MAOA: variants seen among roughly 807,000 people sequenced by gnomAD.
The protein encoded by MAOA is monoamine oxidase A.
In MAOA, 6 loss-of-function variants were observed where a neutral mutation model predicts 42.0. The ratio of observed to expected loss-of-function variants is 0.14; its 90% CI spans 0.08 to 0.28. The LOEUF (loss-of-function observed/expected upper bound fraction) is 0.28, where lower values mean the gene tolerates loss of function less well. Ranked by LOEUF, MAOA falls within the 10% of genes least tolerant of loss-of-function variation. The probability of loss-of-function intolerance (pLI) is 1.00; values close to 1 mark genes in which losing one functional copy is unlikely to be tolerated. For missense variants in MAOA, 262 were observed against 422.3 expected, an observed-to-expected ratio of 0.62 and a Z score of 3.33; for synonymous variants, 140 against 154.0, an observed-to-expected ratio of 0.91 and a Z score of 0.67.
Position 43,731,749 on chromosome X carries a change from G to A in MAOA, c.851G>A (p.Arg284Lys), listed in dbSNP as rs769218254. Residue 284 changes from arginine (R) to lysine (K), a missense_variant, in exon 8 of 15, where the codon AGA becomes AAA. Transcript: ENST00000338702. ...PPTLTAKIHF[R>K]PELPAERNQL... ...ACCTTGACTGCCAAGATTCACTTCA[G>A]ACCAGAGCTTCCAGCAGAGAGAAAC... 5.0e-6 allele frequency: 6 copies of A among 1,209,057 alleles called. No individual in the cohort carries two copies. Among genetic ancestry groups the A allele is most frequent in the Non-Finnish European group, 6.7e-6 (6 of 894,544 alleles).
chrX:43,694,729 A>G (rs1601935755), intron 3 of MAOA, among the ~76,000 whole-genome samples: 1 of 112,037 alleles, frequency 8.9e-6, no homozygotes, highest in Non-Finnish European at 1.9e-5. Flanking sequence ...AGCTGCTAAC[A>G]TTTATTAAGC....
intron 3 of MAOA, among the ~76,000 whole-genome samples, chrX:43,697,268 T>C (rs1200610682): frequency 8.9e-6 from 1 of 112,251 alleles, no homozygotes; most frequent in Non-Finnish European, 1.9e-5. Flanking sequence ...TTACAGTTTG[T>C]GCTTGTCCTG....
intron 1 of MAOA, among the ~76,000 whole-genome samples, chrX:43,677,364 T>C (rs1048626995): frequency 3.6e-5 from 4 of 111,996 alleles, no homozygotes; most frequent in African/African-American, 1.3e-4. Context: ...TTTAAGAACC[T>C]GAAGCTTGTT....
At chrX:43,704,665 A>T (rs1033446586) in intron 3 of MAOA, among the ~76,000 whole-genome samples, 23 of 111,719 alleles carry the variant, frequency 2.1e-4, no homozygotes, top group Non-Finnish European at 4.0e-4. Flanking sequence ...ATAAAAAAAA[A>T]AAGAAAAATT....
In MAOA at chrX:43,728,265, A is replaced by C; in HGVS notation, c.596A>C (p.Lys199Thr). The change falls in exon 6 of 15, where the codon AAG (lysine) becomes ACG (threonine). Residue 199 changes from lysine to threonine, a missense_variant. By Grantham distance (78) the Lys-to-Thr change is moderately conservative. This residue lies in a region of MAOA where 141 missense variants were observed against 195.6 expected (regional missense o/e 0.72). Coordinates refer to ENST00000338702, the MANE Select transcript of MAOA (RefSeq NM_000240.4). ...GCCCTGTGGTTCTTGTGGTATGTGA[A>C]GCAGTGCGGGGGCACCACTCGGATA... ...VSALWFLWYV[K>T]QCGGTTRIFS... 1 of 1,211,045 alleles carries C rather than the reference A, an allele frequency of 8.3e-7. No homozygotes were observed. The highest frequency in any genetic ancestry group is 1.1e-6 in the Non-Finnish European group (1 of 894,944).
intron 7 of MAOA, 99 bp downstream of exon 7, chrX:43,731,489 G>A: frequency 1.0e-6 from 1 of 986,314 alleles, no homozygotes; most frequent in Non-Finnish European, 1.4e-6. Flanking sequence ...AATTAATGCT[G>A]ACATGTTTCC....
chrX:43,723,996 A>C (rs1355578305), intron 5 of MAOA, among the ~76,000 whole-genome samples: 1 of 110,470 alleles, frequency 9.1e-6, no homozygotes. Flanking sequence ...TGATTTGTAT[A>C]TGTTGAACCA....
intron 5 of MAOA, 125 bp downstream of exon 5, chrX:43,712,921 C>T (rs2033710904): frequency 3.8e-6 from 2 of 524,043 alleles, no homozygotes; most frequent in Non-Finnish European, 6.6e-6. Flanking sequence ...AGTAATCTTT[C>T]AGTCAATAGC....
chrX:43,718,351 C>A (rs981532101), intron 5 of MAOA, among the ~76,000 whole-genome samples: 2 of 88,130 alleles, frequency 2.3e-5, no homozygotes, highest in Non-Finnish European at 4.2e-5. Flanking sequence ...TAATGAGACA[C>A]CTGGGTAGTA....
intron 8 of MAOA, 75 bp from the exon 9 acceptor site, chrX:43,732,624 A>C: frequency 1.5e-6 from 1 of 688,408 alleles, no homozygotes; most frequent in East Asian, 3.2e-5. Context: ...AAAATAGTTT[A>C]TATATATTTA....
At chrX:43,715,391 A>G (rs1263952241) in intron 5 of MAOA, among the ~76,000 whole-genome samples, 1 of 110,860 alleles carries the variant, frequency 9.0e-6, no homozygotes, top group Admixed American at 9.6e-5. Context: ...TACAGGAGCT[A>G]GGGGATGCAG....
Position 43,697,408 on chromosome X carries a change from A to C in MAOA, c.306+3980A>C, listed in dbSNP as rs770284443. 3.6e-5 allele frequency among the ~76,000 whole-genome samples: 4 copies of C among 112,088 alleles called. No homozygotes were observed. In the Admixed American group the frequency reaches 3.8e-4, roughly 11 times the overall value. On this transcript the variant is annotated intron_variant, in intron 3 of 14. Coordinates refer to ENST00000338702, the MANE Select transcript of MAOA (RefSeq NM_000240.4). ...GAAAGAGCAGTGTTAACTACCTGCT[A>C]TGATACAAGCACTGTGCCTTGGTTA...
chrX:43,674,566 A>T (rs1354947270), intron 1 of MAOA, among the ~76,000 whole-genome samples: 1 of 110,555 alleles, frequency 9.0e-6, no homozygotes, highest in Non-Finnish European at 1.9e-5. Flanking sequence ...TTTTGGCATG[A>T]TTTTGCAGCA....
At chrX:43,694,572 T>C (rs1334471531) in intron 3 of MAOA, among the ~76,000 whole-genome samples, 3 of 111,870 alleles carry the variant, frequency 2.7e-5, no homozygotes, top group Non-Finnish European at 3.8e-5. Context: ...ATGAAGAAAG[T>C]ATAAAAAATT....
intron 5 of MAOA, among the ~76,000 whole-genome samples, chrX:43,725,071 G>C (rs973572610): frequency 6.3e-5 from 7 of 111,649 alleles, no homozygotes; most frequent in Non-Finnish European, 1.1e-4. Context: ...TTTTACATTT[G>C]CTGAGGAGTG....
chrX:43,681,180 G>T (rs2033439168), intron 1 of MAOA, among the ~76,000 whole-genome samples: 1 of 111,435 alleles, frequency 9.0e-6, no homozygotes. Context: ...ATTGTAGTGA[G>T]AATTGATTTT....
intron 12 of MAOA, 111 bp from the exon 13 acceptor site, chrX:43,743,683 A>T: frequency 1.1e-6 from 1 of 947,745 alleles, no homozygotes; most frequent in Non-Finnish European, 1.5e-6. Context: ...GGTGTTTTTT[A>T]AACAGTCTGA....
intron 1 of MAOA, chrX:43,657,971 T>G: frequency 2.8e-5 from 20 of 702,488 alleles, no homozygotes; most frequent in Non-Finnish European, 3.2e-5. Context: ...TGGTGGAGAG[T>G]AAGAAAAAGG....
chrX:43,704,247 G>C (rs948012331), intron 3 of MAOA, among the ~76,000 whole-genome samples: 1 of 111,012 alleles, frequency 9.0e-6, no homozygotes, highest in African/African-American at 3.3e-5. Context: ...GAAAATACTA[G>C]CAAACTGAAT....
Sources: allele counts gnomAD v4.1 joint callset (sites outside exome capture counted in the v4.1 genomes callset), GRCh38; gene constraint gnomAD v4.1.1; regional missense constraint gnomAD v4.1.1; transcripts MANE v1.5; gene names NCBI Gene and HGNC (gene_info 2026-07-23, HGNC 2026-07-21).